Variants in RAPGEF2 observed in about 807,000 individuals in gnomAD.
RAPGEF2 encodes the protein Rap guanine nucleotide exchange factor 2, also known as PDZ domain containing guanine nucleotide exchange factor (GEF) 1.
Under a neutral mutation model 186.7 loss-of-function variants are expected in RAPGEF2, and 54 were observed. The ratio of observed to expected loss-of-function variants is 0.29; its 90% confidence interval spans 0.23 to 0.36. RAPGEF2 has a LOEUF of 0.36. Among genes scored for constraint, RAPGEF2 ranks in the 10% least tolerant of loss-of-function variants. The pLI, the probability that RAPGEF2 is intolerant of heterozygous loss-of-function variation, is 1.00. For missense variants in RAPGEF2, 1,532 were observed against 2,045.0 expected (o/e 0.75, Z 4.84); for synonymous variants, 712 against 705.9 (o/e 1.01, Z -0.14).
At position 159,356,283 on chromosome 4, in the gene RAPGEF2, C is replaced by G. The variant is rs986597526; in HGVS notation, c.4957+125C>G. The G allele has an allele frequency of 4.6e-5, 46 of 1,005,212 alleles. No homozygotes were observed. In the African/African-American group the frequency reaches 7.3e-4, roughly 16 times the overall value. 62.3% of individuals were successfully genotyped at this position (1,005,212 alleles called of 1,614,324 possible). ...GTCTAACCATATACTACACAAAGTA[C>G]ACTACATTCAGAGTTCCAAATTTAG... On this transcript the variant is annotated intron_variant, in intron 29 of 29. Coordinates refer to ENST00000691494, the MANE Select transcript of RAPGEF2 (RefSeq NM_001394067.2).
intron 1 of RAPGEF2, among the ~76,000 whole-genome samples, chr4:159,132,646 C>T (rs1456610526): frequency 6.6e-6 from 1 of 152,134 alleles, no homozygotes; most frequent in Non-Finnish European, 1.5e-5. Flanking sequence ...TTCTTCCAAA[C>T]CATTCTTTGT....
chr4:159,358,142 C>G lies in RAPGEF2; in HGVS notation c.*3C>G, dbSNP rs750369701. On this transcript the variant is annotated 3_prime_UTR_variant, in exon 30 of 30. Transcript: ENST00000691494. ...ATGAACAAGTTTCTGCTGTTTGAGG[C>G]ACAGACTTTTCTGGAAGCAGAGCGA... The G allele has an allele frequency of 6.2e-7, 1 of 1,611,196 alleles. No individual in the cohort carries two copies. The highest frequency in any genetic ancestry group is 1.7e-5 in the Admixed American group (1 of 59,558).
At chr4:159,322,768 T>C (rs1367057923) in intron 10 of RAPGEF2, among the ~76,000 whole-genome samples, 3 of 152,162 alleles carry the variant, frequency 2.0e-5, no homozygotes, top group Non-Finnish European at 4.4e-5. Flanking sequence ...AAGGCACTTC[T>C]TACATGGCAG....
At chr4:159,110,067 G>T (rs1252425132) in intron 1 of RAPGEF2, among the ~76,000 whole-genome samples, 1 of 152,166 alleles carries the variant, frequency 6.6e-6, no homozygotes, top group South Asian at 2.1e-4. Flanking sequence ...ATGTGTGCAC[G>T]TTTTATATCT....
chr4:159,196,699 C>G (rs986336050), intron 3 of RAPGEF2, among the ~76,000 whole-genome samples: 3 of 152,236 alleles, frequency 2.0e-5, no homozygotes, highest in Admixed American at 6.5e-5. Context: ...GTGCCAGCAT[C>G]ATTGTCATTC....
intron 11 of RAPGEF2, among the ~76,000 whole-genome samples, chr4:159,323,951 C>CAGTG (rs1035556002): frequency 6.6e-6 from 1 of 151,338 alleles, no homozygotes; most frequent in Non-Finnish European, 1.5e-5. Context: ...GGCTGGAGTG[C>CAGTG]AGTGGCGCGA....
At chr4:159,185,969 TA>T (rs1426686865) in intron 1 of RAPGEF2, among the ~76,000 whole-genome samples, 2 of 152,108 alleles carry the variant, frequency 1.3e-5, no homozygotes, top group African/African-American at 4.8e-5. Context: ...GACTCCTAGA[TA>T]TTAGAGTCTT....
At chr4:159,354,604 G>A (rs570515060) in intron 28 of RAPGEF2, among the ~76,000 whole-genome samples, 1 of 152,080 alleles carries the variant, frequency 6.6e-6, no homozygotes, top group Admixed American at 6.5e-5. Context: ...AGGCGGACTG[G>A]GGATTGAATC....
chr4:159,123,637 G>A lies in RAPGEF2; in HGVS notation c.69+19406G>A, dbSNP rs143604726. Among the ~76,000 whole-genome samples the A allele has an allele frequency of 1.5e-3, 220 of 148,738 alleles. 3 individuals carry two copies. The East Asian group carries it at 0.04, about 27-fold the overall frequency. The stretch of plus-strand genomic sequence containing the variant: ...GGGTTCACGCCATTCTCCTACCTCA[G>A]CCTCCCGAGTAGCTGGGACTACAGG... On this transcript the variant is annotated intron_variant, in intron 1 of 29. Coordinates refer to ENST00000691494, the MANE Select transcript of RAPGEF2 (RefSeq NM_001394067.2).
intron 1 of RAPGEF2, among the ~76,000 whole-genome samples, chr4:159,153,399 A>G (rs1285840856): frequency 6.6e-6 from 1 of 152,212 alleles, no homozygotes; most frequent in African/African-American, 2.4e-5. Context: ...TGTAAAGTAC[A>G]GTGAAGTGTG....
chr4:159,221,633 C>G (rs1388439824), intron 4 of RAPGEF2, among the ~76,000 whole-genome samples: 2 of 152,326 alleles, frequency 1.3e-5, no homozygotes, highest in East Asian at 3.9e-4. Context: ...GTCTCTGTTA[C>G]ACCTGCTGTT....
At chr4:159,340,595 ATT>A (rs1452620360) in intron 19 of RAPGEF2, among the ~76,000 whole-genome samples, 2 of 151,924 alleles carry the variant, frequency 1.3e-5, no homozygotes, top group African/African-American at 4.8e-5. Context: ...CTGTTTTGTC[ATT>A]TATGGAATTT....
chr4:159,230,632 G>C (rs551035409), intron 4 of RAPGEF2, among the ~76,000 whole-genome samples: 2 of 152,186 alleles, frequency 1.3e-5, no homozygotes, highest in African/African-American at 2.4e-5. Flanking sequence ...TTGACATTCA[G>C]ATCTTTGCGG....
intron 1 of RAPGEF2, among the ~76,000 whole-genome samples, chr4:159,163,778 A>G (rs933076299): frequency 6.6e-6 from 1 of 151,574 alleles, no homozygotes; most frequent in East Asian, 1.9e-4. Flanking sequence ...AAAAAATGCC[A>G]AGAAGGGGTT....
rs146409524 is a variant in RAPGEF2, at chr4:159,171,411, A to G, written c.70-15231A>G. On this transcript the variant is annotated intron_variant, in intron 1 of 29. Coordinates refer to ENST00000691494, the MANE Select transcript of RAPGEF2 (RefSeq NM_001394067.2). ...ATTTTACGGGTGGAGAGACTGAGCC[A>G]CAGAGAGGTTGAGTGACTTGTTCAG... Among the ~76,000 whole-genome samples, 7 of 152,290 alleles carry G rather than the reference A, an allele frequency of 4.6e-5. No homozygotes were observed. In the East Asian group the frequency reaches 1.4e-3, roughly 29 times the overall value.
chr4:159,140,175 C>T (rs17037963), intron 1 of RAPGEF2, among the ~76,000 whole-genome samples: 5,536 of 152,164 alleles, frequency 0.036, 194 homozygotes, highest in East Asian at 0.18. Context: ...ATGTTCTCAA[C>T]GTTTTATACT....
At position 159,323,538 on chromosome 4, in the gene RAPGEF2, G is replaced by A; in HGVS notation, c.1070G>A (p.Gly357Glu). The A allele has an allele frequency of 6.2e-7, 1 of 1,613,278 alleles. No homozygotes were observed. Residue 357 changes from glycine to glutamate, a missense_variant, in exon 11 of 30, where the codon GGA becomes GAA. Around this residue, in one of 4 missense-constraint regions of RAPGEF2, gnomAD observed 810 missense variants for 1,210.5 expected, o/e 0.67. Transcript: ENST00000691494. The part of the protein sequence containing the change: ...PDGKAEILCM[G>E]NSFGVSPTMD... ...GGAAAAGCAGAAATACTGTGCATGGGAAATAGTTTTGGTGTCTCTCCTACC... is the reference window on the plus strand; with the variant it reads ...GGAAAAGCAGAAATACTGTGCATGGAAAATAGTTTTGGTGTCTCTCCTACC...
At position 159,241,360 on chromosome 4, in the gene RAPGEF2, T is replaced by A; in HGVS notation, c.517T>A (p.Tyr173Asn). The A allele has an allele frequency of 6.8e-7, 1 of 1,472,888 alleles. No individual in the cohort carries two copies. The highest frequency in any genetic ancestry group is 9.0e-7 in the Non-Finnish European group (1 of 1,112,824). 91.2% of individuals were successfully genotyped at this position (1,472,888 alleles called of 1,614,324 possible). The change falls in exon 6 of 30, where the codon TAT becomes AAT. Residue 173 changes from tyrosine to asparagine, a missense_variant. Coordinates refer to ENST00000691494, the MANE Select transcript of RAPGEF2 (RefSeq NM_001394067.2). The stretch of plus-strand genomic sequence containing the variant: ...GGGCAAACCTCCTTTGCCTAGAGGC[T>A]ATCACACGGTAAGTTATACAAGTAT... ...PMGKPPLPRG[Y>N]HTECTKSQLP...
At chr4:159,138,667 T>TA (rs1301055175) in intron 1 of RAPGEF2, among the ~76,000 whole-genome samples, 2 of 152,294 alleles carry the variant, frequency 1.3e-5, no homozygotes, top group South Asian at 2.1e-4. Flanking sequence ...GAATGTTTTT[T>TA]AAAAAAATGA....
Sources: allele counts gnomAD v4.1 joint callset (sites outside exome capture counted in the v4.1 genomes callset), GRCh38; gene constraint gnomAD v4.1.1; regional missense constraint gnomAD v4.1.1; transcripts MANE v1.5; gene names NCBI Gene and HGNC (gene_info 2026-07-23, HGNC 2026-07-21).